FMN2: variants seen among roughly 807,000 people sequenced by gnomAD.
FMN2 encodes formin 2, also known as formin-2.
A neutral mutation model predicts 142.3 loss-of-function variants in FMN2; 51 were observed. The ratio of observed to expected loss-of-function variants is 0.36; its 90% CI spans 0.29 to 0.45. The LOEUF (loss-of-function observed/expected upper bound fraction) is 0.45, where lower values mean the gene tolerates loss of function less well. Among genes scored for constraint, FMN2 ranks in the 20% least tolerant of loss-of-function variants. The pLI is 1.00. For missense variants in FMN2, 1,936 were observed against 2,122.8 expected (o/e 0.91, Z 1.73); for synonymous variants, 882 against 869.8 (o/e 1.01, Z -0.25).
intron 1 of FMN2, among the ~76,000 whole-genome samples, chr1:240,122,130 C>T (rs1662302524): frequency 6.6e-6 from 1 of 151,612 alleles, no homozygotes; most frequent in South Asian, 2.1e-4. Flanking sequence ...TCTTGTTGCC[C>T]AGGCCGGAGT....
chr1:240,294,753 G>A, intron 7 of FMN2, 69 bp from the exon 8 acceptor site: 1 of 1,445,158 alleles, frequency 6.9e-7, no homozygotes, highest in Non-Finnish European at 9.7e-7. Flanking sequence ...TGAGCCTGCT[G>A]CCTGAGATGG....
rs758344598 is a variant in FMN2 at position 240,092,383 on chromosome 1, G to A, written c.274G>A (p.Gly92Ser). Residue 92 changes from glycine (G) to serine (S), a missense_variant, in exon 1 of 18, where the codon GGC becomes AGC. By Grantham distance (56) the Gly-to-Ser change is moderately conservative. Transcript: ENST00000319653. ...KNLSKGKGAG[G>S]SREDVLDSQA... Reference sequence around the variant, plus strand: ...TCTGTCCAAGGGGAAAGGCGCCGGCGGCTCCCGCGAAGATGTACTGGATTC... The same window carrying A: ...TCTGTCCAAGGGGAAAGGCGCCGGCAGCTCCCGCGAAGATGTACTGGATTC... 1.2e-5 allele frequency: 20 copies of A among 1,612,556 alleles called. No individual in the cohort carries two copies. In the Admixed American group the frequency reaches 3.0e-4, roughly 24 times the overall value.
At chr1:240,152,492 C>G (rs1247871441) in intron 2 of FMN2, among the ~76,000 whole-genome samples, 1 of 152,086 alleles carries the variant, frequency 6.6e-6, no homozygotes. Context: ...TATGCTTAAC[C>G]TTTTGTTTCC....
chr1:240,346,439 G>A (rs1671910256), intron 13 of FMN2, among the ~76,000 whole-genome samples: 1 of 152,032 alleles, frequency 6.6e-6, no homozygotes, highest in African/African-American at 2.4e-5. Context: ...ATTGGTAACT[G>A]AAACCACAGG....
chr1:240,160,119 A>G (rs112737560), intron 2 of FMN2, among the ~76,000 whole-genome samples: 6,724 of 150,720 alleles, frequency 0.045, 500 homozygotes, highest in African/African-American at 0.16. Flanking sequence ...GGTGAATTCT[A>G]CCAAACATTT....
At chr1:240,106,450 A>C (rs2103185938) in intron 1 of FMN2, among the ~76,000 whole-genome samples, 1 of 152,102 alleles carries the variant, frequency 6.6e-6, no homozygotes, top group South Asian at 2.1e-4. Flanking sequence ...TTCAAACTGA[A>C]CTCATCTTTT....
intron 7 of FMN2, among the ~76,000 whole-genome samples, chr1:240,265,630 A>G (rs939055585): frequency 2.0e-5 from 3 of 152,164 alleles, no homozygotes; most frequent in Admixed American, 6.5e-5. Context: ...CCAGTTTGTC[A>G]TATTTTGCTA....
chr1:240,337,203 CTTTTTTTTTT>C (rs752506621), intron 13 of FMN2, among the ~76,000 whole-genome samples: 3 of 90,564 alleles, frequency 3.3e-5, no homozygotes, highest in South Asian at 4.2e-4. Flanking sequence ...TATTCCTTTT[CTTTTTTTTTT>C]TTTTTTTTTT....
chr1:240,221,539 T>C (rs1667114560), intron 6 of FMN2, among the ~76,000 whole-genome samples: 1 of 152,214 alleles, frequency 6.6e-6, no homozygotes, highest in South Asian at 2.1e-4. Flanking sequence ...TCTGTTCATA[T>C]CCTTTGCCCA....
At chr1:240,143,714 A>G in intron 2 of FMN2, 5 of 1,577,648 alleles carry the variant, frequency 3.2e-6, no homozygotes, top group Non-Finnish European at 4.4e-6. Context: ...AGAGGAAGCC[A>G]ACGAGCATAA....
intron 3 of FMN2, among the ~76,000 whole-genome samples, chr1:240,183,357 AGACT>A (rs1008192175): frequency 8.0e-5 from 12 of 150,854 alleles, no homozygotes; most frequent in African/African-American, 2.7e-4. Flanking sequence ...GTACTGGAAT[AGACT>A]GACTGTGTCT....
At chr1:240,341,128 A>G (rs565155794) in intron 13 of FMN2, among the ~76,000 whole-genome samples, 58 of 152,196 alleles carry the variant, frequency 3.8e-4, no homozygotes, top group African/African-American at 1.4e-3. Context: ...GTTAATTCTA[A>G]TGTTTATGTT....
chr1:240,377,518 T>C (rs1231948455), intron 14 of FMN2, among the ~76,000 whole-genome samples: 2 of 152,180 alleles, frequency 1.3e-5, no homozygotes, highest in Non-Finnish European at 2.9e-5. Flanking sequence ...CAGTGCTGTG[T>C]TCCTTCTGGA....
chr1:240,236,120 G>A (rs923398180), intron 6 of FMN2, among the ~76,000 whole-genome samples: 3 of 152,160 alleles, frequency 2.0e-5, no homozygotes, highest in Non-Finnish European at 4.4e-5. Context: ...TGCATGATCT[G>A]CGGTGAAAGT....
chr1:240,171,488 G>A (rs1664700693), intron 2 of FMN2, among the ~76,000 whole-genome samples: 1 of 152,118 alleles, frequency 6.6e-6, no homozygotes, highest in Admixed American at 6.5e-5. Context: ...ATAATTGCTA[G>A]CTCATTAAGG....
chr1:240,419,165 C>T (rs1674681155), intron 15 of FMN2, among the ~76,000 whole-genome samples: 1 of 152,204 alleles, frequency 6.6e-6, no homozygotes. Context: ...ATGTCAGTTA[C>T]TCCTTACACT....
At chr1:240,272,985 G>C (rs140806540) in intron 7 of FMN2, among the ~76,000 whole-genome samples, 1 of 152,034 alleles carries the variant, frequency 6.6e-6, no homozygotes, top group Non-Finnish European at 1.5e-5. Context: ...CCAAATCTCC[G>C]TAAGAACTTT....
chr1:240,151,430 A>G (rs372728750), intron 2 of FMN2, among the ~76,000 whole-genome samples: 44 of 152,160 alleles, frequency 2.9e-4, no homozygotes, highest in African/African-American at 1.0e-3. Flanking sequence ...GAGACCCAAC[A>G]GGCAGCTTTC....
At chr1:240,244,030 A>T (rs533395900) in intron 6 of FMN2, among the ~76,000 whole-genome samples, 26 of 152,320 alleles carry the variant, frequency 1.7e-4, no homozygotes, top group African/African-American at 6.3e-4. Flanking sequence ...GAGAAACAAC[A>T]GTTTTCACAT....
Sources: gnomAD v4.1 joint callset for allele counts (sites outside exome capture counted in the v4.1 genomes callset) on GRCh38, gnomAD v4.1.1 for gene constraint, MANE v1.5 for transcripts, NCBI Gene and HGNC (gene_info 2026-07-23, HGNC 2026-07-21) for gene names.